Variants in UQCC1 observed in about 807,000 individuals in gnomAD.
The protein encoded by UQCC1 is ubiquinol-cytochrome c reductase complex assembly factor 1, also known as bFGF-repressed Zic-binding protein.
A neutral mutation model predicts 48.0 loss-of-function variants in UQCC1; 38 were observed. That is an observed-to-expected ratio of 0.79 (90% confidence interval 0.61 to 1.04). The LOEUF (loss-of-function observed/expected upper bound fraction) is 1.04. Ranked by LOEUF, UQCC1 falls within the 50% of genes least tolerant of loss-of-function variation. The probability of loss-of-function intolerance (pLI) is 0.00; values close to 1 mark genes in which losing one functional copy is unlikely to be tolerated. For synonymous variants in UQCC1, 111 were observed against 129.2 expected (o/e 0.86, Z 0.95); for missense variants, 368 against 381.8 (o/e 0.96, Z 0.30).
At chr20:35,390,543 G>T (rs2062001593) in intron 2 of UQCC1, among the ~76,000 whole-genome samples, 1 of 151,870 alleles carries the variant, frequency 6.6e-6, no homozygotes, top group South Asian at 2.1e-4. Context: ...AAAACAATGT[G>T]AATATGCTTA....
At chr20:35,318,101 C>A (rs1406949) in intron 7 of UQCC1, among the ~76,000 whole-genome samples, 66,350 of 152,014 alleles carry the variant, frequency 0.44, 15,131 homozygotes, top group African/African-American at 0.56. Flanking sequence ...CGGATGATAT[C>A]AGAGGTGTCA....
At chr20:35,372,548 T>G (rs2061745841) in intron 5 of UQCC1, among the ~76,000 whole-genome samples, 1 of 152,262 alleles carries the variant, frequency 6.6e-6, no homozygotes, top group Admixed American at 6.5e-5. Context: ...ATAAAATGAT[T>G]TGTATTTATT....
intron 8 of UQCC1, chr20:35,307,082 C>T: frequency 2.3e-6 from 1 of 436,742 alleles, no homozygotes. Context: ...GCCCAGGCAA[C>T]ACTTGAGAGG....
intron 4 of UQCC1, among the ~76,000 whole-genome samples, chr20:35,375,688 C>T (rs750179184): frequency 6.6e-6 from 1 of 152,096 alleles, no homozygotes; most frequent in Non-Finnish European, 1.5e-5. Flanking sequence ...TGGTGGCTCA[C>T]GCCTGTAATC....
chr20:35,321,252 CTGTGTGTGTGTGTG>C (rs58532328), intron 7 of UQCC1, among the ~76,000 whole-genome samples: 4 of 147,224 alleles, frequency 2.7e-5, no homozygotes, highest in Non-Finnish European at 6.0e-5. Flanking sequence ...ACAAACAAAA[CTGTGTGTGTGTGTG>C]TGTGTGTGTG....
intron 7 of UQCC1, among the ~76,000 whole-genome samples, chr20:35,323,035 GACGGGGTTTC>G (rs2061149215): frequency 6.6e-6 from 1 of 152,134 alleles, no homozygotes; most frequent in Admixed American, 6.5e-5. Flanking sequence ...TTTTAGTAGA[GACGGGGTTTC>G]ACCGTGTTAG....
chr20:35,347,344 T>C (rs563618857), intron 6 of UQCC1, 72 bp from the exon 7 acceptor site: 2 of 1,579,034 alleles, frequency 1.3e-6, no homozygotes, highest in East Asian at 4.5e-5. Flanking sequence ...ACTGAAGGTC[T>C]CCTCATCTAA....
intron 7 of UQCC1, chr20:35,315,048 AAC>A (rs930064591): frequency 9.0e-5 from 21 of 233,602 alleles, no homozygotes; most frequent in Non-Finnish European, 1.3e-4. Context: ...AAGTATAAGA[AAC>A]AGTTTCTTGA....
chr20:35,381,796 G>A (rs540132241), intron 4 of UQCC1, 122 bp downstream of exon 4: 8 of 677,622 alleles, frequency 1.2e-5, no homozygotes, highest in African/African-American at 5.4e-5. Flanking sequence ...CAGCTAGATC[G>A]TCCTCACATC....
chr20:35,320,610 A>G (rs1417757539), intron 7 of UQCC1, among the ~76,000 whole-genome samples: 1 of 152,252 alleles, frequency 6.6e-6, no homozygotes, highest in Non-Finnish European at 1.5e-5. Flanking sequence ...GACAGCCACC[A>G]GATGGGTCAT....
intron 7 of UQCC1, among the ~76,000 whole-genome samples, chr20:35,319,003 G>A (rs1458521371): frequency 6.6e-6 from 1 of 152,126 alleles, no homozygotes; most frequent in Admixed American, 6.6e-5. Flanking sequence ...ATAGTGTTGG[G>A]CCGTTCTCTT....
At chr20:35,335,603 G>A (rs1316237069) in intron 7 of UQCC1, among the ~76,000 whole-genome samples, 2 of 152,160 alleles carry the variant, frequency 1.3e-5, no homozygotes, top group African/African-American at 4.8e-5. Flanking sequence ...CTATTTATAT[G>A]AAATGTCCCA....
chr20:35,352,678 C>G lies in UQCC1; in HGVS notation c.465-5406G>C, dbSNP rs945862685. On this transcript the variant is annotated intron_variant, in intron 6 of 9. Coordinates refer to ENST00000374385, the MANE Select transcript of UQCC1 (RefSeq NM_018244.5). The stretch of plus-strand genomic sequence containing the variant: ...TAGGCTAATGTGAGTGTTTGAGTCA[C>G]AGTTTGGTTTTTGTTTTTTTCAGAG... Among the ~76,000 whole-genome samples, 7 of 124,602 alleles carry G rather than the reference C, an allele frequency of 5.6e-5. 1 individual carries two copies. Among genetic ancestry groups the G allele is most frequent in the South Asian group, 2.4e-4 (1 of 4,084 alleles). 81.7% of individuals were successfully genotyped at this position (124,602 alleles called of 152,430 possible).
intron 7 of UQCC1, among the ~76,000 whole-genome samples, chr20:35,322,707 TG>T (rs1359469321): frequency 6.6e-6 from 1 of 151,928 alleles, no homozygotes; most frequent in Non-Finnish European, 1.5e-5. Flanking sequence ...CACTCCAGCC[TG>T]GCAACTGAGC....
chr20:35,343,108 G>C (rs891660703), intron 7 of UQCC1, among the ~76,000 whole-genome samples: 2 of 152,032 alleles, frequency 1.3e-5, no homozygotes, highest in African/African-American at 2.4e-5. Flanking sequence ...CTAAGTTTTT[G>C]GCATGAGAAA....
intron 7 of UQCC1, among the ~76,000 whole-genome samples, chr20:35,332,115 C>T (rs2061264695): frequency 6.6e-6 from 1 of 152,332 alleles, no homozygotes; most frequent in African/African-American, 2.4e-5. Flanking sequence ...AAACTGGGCA[C>T]CGGCCTCTCA....
At chr20:35,373,988 C>T (rs1320625209) in intron 5 of UQCC1, among the ~76,000 whole-genome samples, 196 bp downstream of exon 5, 1 of 152,066 alleles carries the variant, frequency 6.6e-6, no homozygotes, top group Admixed American at 6.6e-5. Flanking sequence ...GCCCGGGCAA[C>T]ACAGCAAGAC....
rs115717089 is a variant in UQCC1 at position 35,371,516 on chromosome 20, G to A, written c.406+2668C>T. Among the ~76,000 whole-genome samples the A allele has an allele frequency of 6.6e-3, 1,006 of 151,484 alleles. 15 individuals carry two copies. The highest frequency in any genetic ancestry group is 0.023 in the African/African-American group (963 of 41,340). On this transcript the variant is annotated intron_variant, in intron 5 of 9. Transcript: ENST00000374385. Reference sequence around the variant, plus strand: ...CCATGCCCAGCTAATTTTTAGTAGAGGGTGGGGGTTTCACCATGTTGGCCT... The same window carrying A: ...CCATGCCCAGCTAATTTTTAGTAGAAGGTGGGGGTTTCACCATGTTGGCCT...
intron 7 of UQCC1, among the ~76,000 whole-genome samples, chr20:35,315,705 A>G (rs1328446177): frequency 6.6e-5 from 10 of 152,198 alleles, no homozygotes; most frequent in African/African-American, 2.2e-4. Flanking sequence ...CCTGGGCAAC[A>G]TGGCGAAACC....
Sources: allele counts gnomAD v4.1 joint callset (sites outside exome capture counted in the v4.1 genomes callset), GRCh38; gene constraint gnomAD v4.1.1; transcripts MANE v1.5; gene names NCBI Gene and HGNC (gene_info 2026-07-23, HGNC 2026-07-21).